Variants in GSTA1 observed in about 807,000 individuals in gnomAD.
The protein encoded by GSTA1 is glutathione S-transferase A1.
GSTA1 carries 23 observed loss-of-function variants against 21.5 expected under a neutral mutation model. The observed-to-expected ratio is 1.07, with a 90% CI of 0.77 to 1.52. The LOEUF (loss-of-function observed/expected upper bound fraction) is 1.52. GSTA1 is among the 40% of genes most tolerant of loss of function. The pLI, the probability that GSTA1 is intolerant of heterozygous loss-of-function variation, is 0.00. For synonymous variants in GSTA1, 125 were observed against 90.0 expected, an observed-to-expected ratio of 1.39 and a Z score of -2.20; for missense variants, 301 against 264.2, an observed-to-expected ratio of 1.14 and a Z score of -0.96.
chr6:52,796,235 G>C lies in GSTA1; in HGVS notation c.219C>G (p.Asn73Lys), dbSNP rs973243166. 23 of 1,613,756 alleles carry C rather than the reference G, an allele frequency of 1.4e-5. No homozygotes were observed. The highest frequency in any genetic ancestry group is 1.9e-5 in the Non-Finnish European group (22 of 1,179,934). The part of the protein sequence containing the change: ...MKLVQTRAIL[N>K]YIASKYNLYG... ...AGAGGTTGTATTTGCTGGCAATGTA[G>C]TTGAGAATGGCTCTGGTCTGCACCA... The change falls in exon 4 of 7, where the codon AAC (asparagine) becomes AAG (lysine). Residue 73 changes from asparagine (N) to lysine (K), a missense_variant. By Grantham distance (94) the Asn-to-Lys change is moderately conservative. Coordinates refer to ENST00000334575, the MANE Select transcript of GSTA1 (RefSeq NM_145740.5).
At chr6:52,803,150 T>C (rs1230439415) in intron 1 of GSTA1, among the ~76,000 whole-genome samples, 1 of 152,140 alleles carries the variant, frequency 6.6e-6, no homozygotes, top group East Asian at 1.9e-4. Flanking sequence ...AGAAACATCC[T>C]AGAGTGAGCA....
intron 1 of GSTA1, among the ~76,000 whole-genome samples, chr6:52,800,295 G>C (rs1293639289): frequency 6.6e-6 from 1 of 152,312 alleles, no homozygotes; most frequent in East Asian, 1.9e-4. Flanking sequence ...GATGGATCGG[G>C]ATGCAGACTC....
At position 52,791,662 on chromosome 6, in the gene GSTA1, T is replaced by G. The variant is rs189610458; in HGVS notation, c.*196A>C. On this transcript the variant is annotated 3_prime_UTR_variant, in exon 7 of 7. Transcript: ENST00000334575. ...CTAGGAGAAGATTGGAAATCTGAAT[T>G]CACATCAGATCCTAATGAAAACAAA... 1 of 596,634 alleles carries G rather than the reference T, an allele frequency of 1.7e-6. No individual in the cohort carries two copies. Among genetic ancestry groups the G allele is most frequent in the East Asian group, 3.3e-5 (1 of 30,602 alleles). 37.0% of individuals were successfully genotyped at this position (596,634 alleles called of 1,614,324 possible). A position where few individuals can be genotyped will look rare whatever the true frequency, so the allele number is the denominator to read the frequency against.
At chr6:52,793,674 A>G (rs879698940) in intron 5 of GSTA1, among the ~76,000 whole-genome samples, 2 of 152,108 alleles carry the variant, frequency 1.3e-5, no homozygotes, top group African/African-American at 2.4e-5. Flanking sequence ...TCTCCTTTTA[A>G]AAAATACCCA....
At chr6:52,793,448 C>G (rs149290142) in intron 5 of GSTA1, among the ~76,000 whole-genome samples, 1 of 152,272 alleles carries the variant, frequency 6.6e-6, no homozygotes, top group Non-Finnish European at 1.5e-5. Flanking sequence ...CCTCATTTCT[C>G]TTTGTCTGCT....
At chr6:52,803,299 G>T (rs1440925086) in intron 1 of GSTA1, among the ~76,000 whole-genome samples, 2 of 152,056 alleles carry the variant, frequency 1.3e-5, no homozygotes, top group African/African-American at 4.8e-5. Flanking sequence ...GCTAATTAGT[G>T]GCAAAGGCTC....
At chr6:52,802,147 T>C (rs979340092) in intron 1 of GSTA1, among the ~76,000 whole-genome samples, 6 of 152,098 alleles carry the variant, frequency 3.9e-5, no homozygotes, top group African/African-American at 1.4e-4. Flanking sequence ...AACCTAAAAA[T>C]CAGAGTGAGT....
chr6:52,794,188 T>G lies in GSTA1; in HGVS notation c.351A>C (p.Lys117Asn). 6.2e-7 allele frequency: 1 copy of G among 1,613,308 alleles called. No homozygotes were observed. Among genetic ancestry groups the G allele is most frequent in the Non-Finnish European group, 8.5e-7 (1 of 1,179,316 alleles). Residue 117 changes from lysine (K) to asparagine (N), a missense_variant, in exon 5 of 7, where the codon AAA (lysine) becomes AAC (asparagine). Physicochemically the swap from Lys to Asn is moderately conservative, Grantham distance 94 (BLOSUM62 0). Transcript: ENST00000334575. ...LLLPVCPPEE[K>N]DAKLALIKEK... is the part of the protein sequence containing the mutation. ...CTTTGATCAAGGCAAGCTTGGCATC[T>G]TTTTCCTCAGGTGGACATACGGGCA...
chr6:52,796,387 T>C, intron 3 of GSTA1, 73 bp from the exon 4 acceptor site: 1 of 1,585,794 alleles, frequency 6.3e-7, no homozygotes, highest in South Asian at 1.2e-5. Flanking sequence ...CAAATGGTTG[T>C]GGAAATGACT....
rs1051757 is a variant in GSTA1, at chr6:52,794,190, T to G, written c.349A>C (p.Lys117Gln). 3.7e-6 allele frequency: 6 copies of G among 1,614,004 alleles called. No homozygotes were observed. Among genetic ancestry groups the G allele is most frequent in the Non-Finnish European group, 4.2e-6 (5 of 1,179,948 alleles). Residue 117 changes from lysine (K) to glutamine (Q), a missense_variant, in exon 5 of 7, where the codon AAA becomes CAA. Lys to Gln is a moderately conservative substitution (Grantham distance 53). Coordinates refer to ENST00000334575, the MANE Select transcript of GSTA1 (RefSeq NM_145740.5). ...LLLPVCPPEE[K>Q]DAKLALIKEK... ...TTGATCAAGGCAAGCTTGGCATCTT[T>G]TTCCTCAGGTGGACATACGGGCAGA... is the stretch of plus-strand genomic sequence containing the variant.
chr6:52,797,766 G>A, intron 2 of GSTA1, 129 bp from the exon 3 acceptor site: 1 of 722,146 alleles, frequency 1.4e-6, no homozygotes, highest in South Asian at 1.7e-5. Flanking sequence ...ACACAGAGGG[G>A]GCTGGTCATG....
intron 4 of GSTA1, among the ~76,000 whole-genome samples, chr6:52,795,501 T>A (rs937582861): frequency 3.3e-5 from 5 of 152,206 alleles, no homozygotes; most frequent in Admixed American, 6.5e-5. Flanking sequence ...AACTGCTGGG[T>A]CATTGGTAAT....
intron 5 of GSTA1, 69 bp downstream of exon 5, chr6:52,794,056 A>C: frequency 6.3e-7 from 1 of 1,589,846 alleles, no homozygotes; most frequent in African/African-American, 1.3e-5. Context: ...TGACCCAGGA[A>C]TGCCCAGCCA....
rs543430792 is a variant in GSTA1 at position 52,796,366 on chromosome 6, T to A, written c.140-52A>T. 19 of 1,610,112 alleles carry A rather than the reference T, an allele frequency of 1.2e-5. No individual in the cohort carries two copies. In the African/African-American group the frequency reaches 2.4e-4, roughly 20 times the overall value. On this transcript the variant is annotated intron_variant, in intron 3 of 6. Transcript: ENST00000334575. The stretch of plus-strand genomic sequence containing the variant: ...GTGAAGTGTCTATGAAACCCACCCT[T>A]TTGGGATGAACAAATGGTTGTGGAA...
Position 52,791,759 on chromosome 6 carries a change from C to G in GSTA1, c.*99G>C. Reference sequence around the variant, plus strand: ...CATATAATTTGAAAGAGTTCATTAGCTTCACAACAGGCACAATCAACACTT... The same window carrying G: ...CATATAATTTGAAAGAGTTCATTAGGTTCACAACAGGCACAATCAACACTT... On this transcript the variant is annotated 3_prime_UTR_variant, in exon 7 of 7. Transcript: ENST00000334575. The G allele has an allele frequency of 7.1e-7, 1 of 1,401,926 alleles. No homozygotes were observed. Among genetic ancestry groups the G allele is most frequent in the Non-Finnish European group, 9.9e-7 (1 of 1,007,452 alleles). 86.8% of individuals were successfully genotyped at this position (1,401,926 alleles called of 1,614,324 possible).
At chr6:52,795,528 T>G (rs564119511) in intron 4 of GSTA1, among the ~76,000 whole-genome samples, 1 of 152,328 alleles carries the variant, frequency 6.6e-6, no homozygotes, top group East Asian at 1.9e-4. Flanking sequence ...TTAAAGTTTT[T>G]GAGGAGCTGC....
intron 3 of GSTA1, among the ~76,000 whole-genome samples, chr6:52,796,810 G>T (rs1349613103): frequency 2.0e-5 from 3 of 151,686 alleles, no homozygotes; most frequent in African/African-American, 7.3e-5. Flanking sequence ...CCCAAACTGG[G>T]ATTACAGGCA....
At chr6:52,797,315 G>A (rs551703649) in intron 3 of GSTA1, among the ~76,000 whole-genome samples, 3 of 151,916 alleles carry the variant, frequency 2.0e-5, no homozygotes, top group African/African-American at 4.8e-5. Flanking sequence ...ACTCATTCAT[G>A]GTGCCCCAAG....
chr6:52,799,291 T>C lies in GSTA1; in HGVS notation c.-24A>G, dbSNP rs1763658499. 1 of 1,579,440 alleles carries C rather than the reference T, an allele frequency of 6.3e-7. No homozygotes were observed. Among genetic ancestry groups the C allele is most frequent in the African/African-American group, 1.4e-5 (1 of 73,908 alleles). On this transcript the variant is annotated 5_prime_UTR_variant, in exon 2 of 7. Transcript: ENST00000334575. ...ATGATAGCAGTCTCCTGGAGGTTTC[T>C]CTAAGCCTGAATGAATGAATGAATG...
Sources: allele counts gnomAD v4.1 joint callset (sites outside exome capture counted in the v4.1 genomes callset), GRCh38; gene constraint gnomAD v4.1.1; transcripts MANE v1.5; gene names NCBI Gene and HGNC (gene_info 2026-07-23, HGNC 2026-07-21).